The following COL18A1 variants were observed in gnomAD, a reference collection of about 807,000 sequenced individuals.
The protein encoded by COL18A1 is collagen type XVIII alpha 1 chain.
COL18A1 carries 133 observed loss-of-function variants against 168.0 expected under a neutral mutation model. That is an observed-to-expected ratio of 0.79 (90% CI 0.69 to 0.91). The LOEUF is 0.91. Among genes scored for constraint, COL18A1 ranks in the 40% least tolerant of loss-of-function variants. The pLI, the probability that COL18A1 is intolerant of heterozygous loss-of-function variation, is 0.00. For synonymous variants in COL18A1, 949 were observed against 809.0 expected (o/e 1.17, Z -2.94); for missense variants, 2,126 against 1,925.4 (o/e 1.10, Z -1.95).
At chr21:45,437,380 A>C (rs1193731037) in intron 2 of COL18A1, among the ~76,000 whole-genome samples, 1 of 124,714 alleles carries the variant, frequency 8.0e-6, no homozygotes, top group African/African-American at 3.5e-5. Flanking sequence ...ACTCAGACAC[A>C]CAGGCACTCT....
chr21:45,490,968 A>G lies in COL18A1; in HGVS notation c.2067+97A>G, dbSNP rs947718908. ...CCCCAGGTCCGTGCCCCTGCTGCCC[A>G]TGTGACCTCAGAGACTCAGGGCAAA... is the stretch of plus-strand genomic sequence containing the variant. On this transcript the variant is annotated intron_variant, in intron 21 of 41. Transcript: ENST00000651438. 6.6e-6 allele frequency: 8 copies of G among 1,210,176 alleles called. No homozygotes were observed. In the East Asian group the frequency reaches 1.5e-4, roughly 23 times the overall value. 75.0% of individuals were successfully genotyped at this position (1,210,176 alleles called of 1,614,324 possible).
At chr21:45,494,355 C>T (rs891106912) in intron 26 of COL18A1, 190 bp from the exon 27 acceptor site, 1 of 725,962 alleles carries the variant, frequency 1.4e-6, no homozygotes, top group Non-Finnish European at 2.3e-6. Context: ...TGGCTCCTGT[C>T]CTCCCCAGGG....
At chr21:45,408,939 G>T (rs775529797) in intron 2 of COL18A1, among the ~76,000 whole-genome samples, 8 of 151,872 alleles carry the variant, frequency 5.3e-5, no homozygotes, top group Non-Finnish European at 7.4e-5. Flanking sequence ...CCCCAGGCCT[G>T]CAGAGGAGGG....
Position 45,473,163 on chromosome 21 carries a change from G to A in COL18A1, c.652-732G>A, listed in dbSNP as rs2035510289. 6.6e-6 allele frequency among the ~76,000 whole-genome samples: 1 copy of A among 152,222 alleles called. No homozygotes were observed. The highest frequency in any genetic ancestry group is 2.1e-4 in the South Asian group (1 of 4,832). On this transcript the variant is annotated intron_variant, in intron 3 of 41. Coordinates refer to ENST00000651438, the MANE Select transcript of COL18A1 (RefSeq NM_001379500.1). This position sits in a 1 kb window ranked among gnomAD's most constrained non-coding sequence, Gnocchi z 4.0. Reference sequence around the variant, plus strand: ...AGGCAAGCTACCCGCTTGAGGCTTAGGACGTTGCGCCCTCCTGTGTCCTTG... The same window carrying A: ...AGGCAAGCTACCCGCTTGAGGCTTAAGACGTTGCGCCCTCCTGTGTCCTTG...
At position 45,494,867 on chromosome 21, in the gene COL18A1, A is replaced by T; in HGVS notation, c.2385A>T (p.Pro795=). The stretch of plus-strand genomic sequence containing the variant: ...TGGCCCCCTTCCTCTTGCAGGGTCC[A>T]TACGGACGGCCGGGGTACAAGGGAG... ...GEPGFRGPPG[P]YGRPGYKGEI... Residue 795 remains proline (P), a synonymous_variant, in exon 28 of 42, where the codon CCA becomes CCT. Transcript: ENST00000651438. 1 of 1,609,544 alleles carries T rather than the reference A, an allele frequency of 6.2e-7. No individual in the cohort carries two copies. Among genetic ancestry groups the T allele is most frequent in the Non-Finnish European group, 8.5e-7 (1 of 1,178,430 alleles).
intron 1 of COL18A1, 46 bp downstream of exon 1, chr21:45,405,287 G>GCTGGGTCCTGCGGGGGTC (rs2033035474): frequency 3.0e-5 from 13 of 432,062 alleles, no homozygotes; most frequent in South Asian, 1.1e-4. Flanking sequence ...CCAAGATGCG[G>GCTGGGTCCTGCGGGGGTC]CTGCGGGGGT....
In COL18A1 at chr21:45,422,629, G is replaced by A. The variant is rs141669114; in HGVS notation, c.106+17156G>A. 1,148 of 373,404 alleles carry A rather than the reference G, an allele frequency of 3.1e-3. 18 individuals carry two copies. Among genetic ancestry groups the A allele is most frequent in the South Asian group, 0.02 (991 of 49,788 alleles). 23.1% of individuals were successfully genotyped at this position (373,404 alleles called of 1,614,324 possible). ...GGTGGCACGGGCTCTCCCAGCCGTC[G>A]GTTGGTGAAAAACGGGGCCTCCGCC... is the stretch of plus-strand genomic sequence containing the variant. On this transcript the variant is annotated intron_variant, in intron 2 of 41. Coordinates refer to ENST00000651438, the MANE Select transcript of COL18A1 (RefSeq NM_001379500.1).
chr21:45,468,748 G>C lies in COL18A1; in HGVS notation c.613G>C (p.Val205Leu). ...LELEPGAGLFVAQAGGADPDK... is the reference protein window; with the variant it reads ...LELEPGAGLFLAQAGGADPDK... ...GCTGGAGCCTGGCGCCGGGCTCTTC[G>C]TGGCTCAGGCGGGGGGAGCGGACCC... is the stretch of plus-strand genomic sequence containing the variant. Residue 205 changes from valine to leucine, a missense_variant, in exon 3 of 42, where the codon GTG becomes CTG. Physicochemically the swap from Val to Leu is conservative, Grantham distance 32 (BLOSUM62 1). Coordinates refer to ENST00000651438, the MANE Select transcript of COL18A1 (RefSeq NM_001379500.1). The C allele has an allele frequency of 3.1e-6, 5 of 1,608,424 alleles. No homozygotes were observed. Among genetic ancestry groups the C allele is most frequent in the Non-Finnish European group, 4.2e-6 (5 of 1,179,728 alleles).
intron 24 of COL18A1, 64 bp from the exon 25 acceptor site, chr21:45,493,078 GGCAGCTGTCGGGGGAGATGGA>G (rs1210559572): frequency 5.5e-5 from 75 of 1,351,744 alleles, no homozygotes; most frequent in African/African-American, 3.8e-4. Flanking sequence ...TATTGCGGGG[GGCAGCTGTCGGGGGAGATGGA>G]GCAGCCGTCG....
At position 45,510,185 on chromosome 21, in the gene COL18A1, T is replaced by C; in HGVS notation, c.3617T>C (p.Leu1206Pro). ...VGLAGTFRAF[L>P]SSRLQDLYSI... The stretch of plus-strand genomic sequence containing the variant: ...CTGGCGGGCACCTTCCGCGCCTTCC[T>C]GTCCTCGCGCCTGCAGGACCTGTAC... Residue 1206 changes from leucine (L) to proline (P), a missense_variant, in exon 40 of 42, where the codon CTG becomes CCG. Coordinates refer to ENST00000651438, the MANE Select transcript of COL18A1 (RefSeq NM_001379500.1). 1 of 1,598,376 alleles carries C rather than the reference T, an allele frequency of 6.3e-7. No individual in the cohort carries two copies. The highest frequency in any genetic ancestry group is 8.5e-7 in the Non-Finnish European group (1 of 1,173,420).
chr21:45,456,730 C>T (rs1201520533), intron 2 of COL18A1: 1 of 1,534,094 alleles, frequency 6.5e-7, no homozygotes, highest in Non-Finnish European at 8.7e-7. Flanking sequence ...GCGGCAGCGT[C>T]CCGCCGCCCG....
chr21:45,510,936 A>G (rs1214803521), intron 40 of COL18A1, among the ~76,000 whole-genome samples, 175 bp from the exon 41 acceptor site: 1 of 92,658 alleles, frequency 1.1e-5, no homozygotes, highest in Non-Finnish European at 2.2e-5. Flanking sequence ...ACCCCCCAAA[A>G]AAACACACAC....
intron 18 of COL18A1, 85 bp downstream of exon 18, chr21:45,488,529 C>A (rs1007325648): frequency 1.4e-5 from 23 of 1,599,022 alleles, no homozygotes; most frequent in Non-Finnish European, 1.1e-5. Context: ...CAGGGCCTTG[C>A]CTCGGGTTTT....
At chr21:45,475,422 C>T (rs544603856) in intron 4 of COL18A1, 54 bp from the exon 5 acceptor site, 15 of 1,504,564 alleles carry the variant, frequency 1.0e-5, no homozygotes, top group African/African-American at 6.9e-5. Context: ...CTGCCGGGCT[C>T]GGGGCCTGGC....
intron 34 of COL18A1, among the ~76,000 whole-genome samples, 193 bp from the exon 35 acceptor site, chr21:45,504,941 C>T (rs79186394): frequency 0.018 from 2,639 of 150,486 alleles, 38 homozygotes; most frequent in African/African-American, 0.023. Flanking sequence ...GTCTCTCCCC[C>T]GGGATCGCAC....
rs116037180 is a variant in COL18A1 at position 45,478,716 on chromosome 21, T to G, written c.1248+363T>G. 3.5e-3 allele frequency among the ~76,000 whole-genome samples: 537 copies of G among 151,854 alleles called. 2 individuals carry two copies. Among genetic ancestry groups the G allele is most frequent in the African/African-American group, 0.012 (505 of 41,396 alleles). ...AAGCACGGGGCGACCTGAGACTCTG[T>G]GAAGTCCGAGCTTCGTCGCAAAACA... On this transcript the variant is annotated intron_variant, in intron 9 of 41. Coordinates refer to ENST00000651438, the MANE Select transcript of COL18A1 (RefSeq NM_001379500.1).
Position 45,463,998 on chromosome 21 carries a change from C to T in COL18A1, c.107-4244C>T, listed in dbSNP as rs746699744. Among the ~76,000 whole-genome samples, 8 of 152,188 alleles carry T rather than the reference C, an allele frequency of 5.3e-5. No homozygotes were observed. Among genetic ancestry groups the T allele is most frequent in the Non-Finnish European group, 1.0e-4 (7 of 68,030 alleles). On this transcript the variant is annotated intron_variant, in intron 2 of 41. Coordinates refer to ENST00000651438, the MANE Select transcript of COL18A1 (RefSeq NM_001379500.1). The surrounding 1 kb of genome is among the most constrained non-coding windows in gnomAD (Gnocchi z 4.0). ...GGATGCCACCCAGCTATGCCAAATGCGGGGAGAAACTCCCTATGGGCACTG... is the reference window on the plus strand; with the variant it reads ...GGATGCCACCCAGCTATGCCAAATGTGGGGAGAAACTCCCTATGGGCACTG...
At chr21:45,468,870 C>G in intron 3 of COL18A1, 84 bp downstream of exon 3, 2 of 1,370,082 alleles carry the variant, frequency 1.5e-6, no homozygotes, top group Non-Finnish European at 2.0e-6. Flanking sequence ...AGGGACGGAG[C>G]TGTGGCCGGA....
intron 9 of COL18A1, among the ~76,000 whole-genome samples, chr21:45,479,072 C>G (rs115588827): frequency 7.2e-6 from 1 of 138,124 alleles, no homozygotes; most frequent in African/African-American, 2.8e-5. Flanking sequence ...ACAGGGTACA[C>G]GCACGCGTGT....
Sources: gnomAD v4.1 joint callset for allele counts (sites outside exome capture counted in the v4.1 genomes callset) on GRCh38, gnomAD v4.1.1 for gene constraint, Gnocchi (gnomAD v3.1) non-coding constraint, MANE v1.5 for transcripts, NCBI Gene and HGNC (gene_info 2026-07-23, HGNC 2026-07-21) for gene names.